The following TMEM132D variants were observed in gnomAD, a reference collection of about 807,000 sequenced individuals.
The protein encoded by TMEM132D is mature OL transmembrane protein.
In TMEM132D, 21 loss-of-function variants were observed where a neutral mutation model predicts 62.3. The ratio of observed to expected loss-of-function variants is 0.34; its 90% CI spans 0.24 to 0.49. The LOEUF is 0.49. TMEM132D is among the 20% of genes least tolerant of loss of function. The pLI, the probability that TMEM132D is intolerant of heterozygous loss-of-function variation, is 0.99. For missense variants in TMEM132D, 1,346 were observed against 1,402.8 expected (o/e 0.96, Z 0.65); for synonymous variants, 621 against 575.6 (o/e 1.08, Z -1.13).
intron 5 of TMEM132D, among the ~76,000 whole-genome samples, chr12:129,162,711 C>T (rs902932600): frequency 2.6e-5 from 4 of 152,130 alleles, no homozygotes; most frequent in African/African-American, 9.7e-5. Flanking sequence ...AAATGATGTG[C>T]CATCTCCCCC....
intron 1 of TMEM132D, among the ~76,000 whole-genome samples, chr12:129,851,183 G>C (rs1873529166): frequency 6.6e-6 from 1 of 152,168 alleles, no homozygotes; most frequent in Non-Finnish European, 1.5e-5. Flanking sequence ...CTGACTTCTA[G>C]AAAGTTCATC....
intron 3 of TMEM132D, among the ~76,000 whole-genome samples, chr12:129,445,853 G>C (rs1873080990): frequency 6.6e-6 from 1 of 152,172 alleles, no homozygotes; most frequent in Non-Finnish European, 1.5e-5. Flanking sequence ...AAGTTATTGG[G>C]ATAAACCTCT....
At chr12:129,675,689 AT>A (rs1880610954) in intron 2 of TMEM132D, among the ~76,000 whole-genome samples, 1 of 152,164 alleles carries the variant, frequency 6.6e-6, no homozygotes, top group Non-Finnish European at 1.5e-5. Context: ...GTCTGGAGAC[AT>A]TTTTGGTTGT....
intron 3 of TMEM132D, among the ~76,000 whole-genome samples, chr12:129,490,902 T>C (rs2137060145): frequency 6.6e-6 from 1 of 152,192 alleles, no homozygotes; most frequent in South Asian, 2.1e-4. Context: ...ATCCAGTTTC[T>C]TTAATCATTT....
At chr12:129,425,874 C>G (rs1374732676) in intron 3 of TMEM132D, among the ~76,000 whole-genome samples, 1 of 152,192 alleles carries the variant, frequency 6.6e-6, no homozygotes, top group Non-Finnish European at 1.5e-5. Context: ...CCCAACGCCA[C>G]ATAGGCAATG....
rs192222204 is a variant in TMEM132D at position 129,789,425 on chromosome 12, C to T, written c.80-88727G>A. On this transcript the variant is annotated intron_variant, in intron 1 of 8. Transcript: ENST00000422113. ...ATTATGTGAAAAAGATACTTACACA[C>T]GCACGTTTATAGCAGCACAATTTGC... 6.8e-4 allele frequency among the ~76,000 whole-genome samples: 103 copies of T among 152,298 alleles called. 3 individuals are homozygous for T. Among genetic ancestry groups the T allele is most frequent in the African/African-American group, 1.8e-3 (73 of 41,570 alleles).
chr12:129,359,782 T>G (rs1445630952), intron 3 of TMEM132D, among the ~76,000 whole-genome samples: 3 of 152,038 alleles, frequency 2.0e-5, no homozygotes, highest in Admixed American at 2.0e-4. Flanking sequence ...TAAGTTTAAT[T>G]TTAAGAGTTG....
At chr12:129,695,586 G>T (rs1197663977) in intron 2 of TMEM132D, among the ~76,000 whole-genome samples, 1 of 152,214 alleles carries the variant, frequency 6.6e-6, no homozygotes, top group African/African-American at 2.4e-5. Context: ...TGTTAACAGT[G>T]CCCCAGTCTT....
At chr12:129,828,471 A>G (rs946431827) in intron 1 of TMEM132D, among the ~76,000 whole-genome samples, 4 of 151,714 alleles carry the variant, frequency 2.6e-5, no homozygotes, top group Admixed American at 2.6e-4. Context: ...ATCTATTAGC[A>G]TTCACAGCAG....
At chr12:129,630,178 G>T (rs943994367) in intron 2 of TMEM132D, among the ~76,000 whole-genome samples, 1 of 152,226 alleles carries the variant, frequency 6.6e-6, no homozygotes, top group Non-Finnish European at 1.5e-5. Flanking sequence ...AAAAACAGGA[G>T]CTGTCCACTT....
intron 5 of TMEM132D, among the ~76,000 whole-genome samples, chr12:129,206,833 T>TCAGCA (rs1157625108): frequency 1.3e-5 from 2 of 151,276 alleles, no homozygotes; most frequent in Admixed American, 1.3e-4. Flanking sequence ...GCCATTATCC[T>TCAGCA]AACTAATACA....
intron 4 of TMEM132D, among the ~76,000 whole-genome samples, chr12:129,268,731 G>C (rs1052339912): frequency 5.9e-5 from 9 of 152,098 alleles, no homozygotes; most frequent in African/African-American, 2.2e-4. Flanking sequence ...ATGTTTATTG[G>C]GGCACTATTC....
intron 4 of TMEM132D, among the ~76,000 whole-genome samples, chr12:129,213,501 C>CAAACAAAACAAAACA (rs144820911): frequency 5.3e-5 from 8 of 150,452 alleles, no homozygotes; most frequent in African/African-American, 2.0e-4. Flanking sequence ...TCTCTCAAAA[C>CAAACAAAACAAAACA]AAACAAAACA....
At chr12:129,610,349 C>G (rs114604652) in intron 2 of TMEM132D, among the ~76,000 whole-genome samples, 2 of 151,742 alleles carry the variant, frequency 1.3e-5, no homozygotes, top group Non-Finnish European at 2.9e-5. Flanking sequence ...TGAATTGACA[C>G]GTGCATTATA....
intron 3 of TMEM132D, among the ~76,000 whole-genome samples, chr12:129,430,506 G>A (rs1872625514): frequency 6.6e-6 from 1 of 151,930 alleles, no homozygotes; most frequent in Non-Finnish European, 1.5e-5. Flanking sequence ...TTGTAGCGAT[G>A]GGGTCCCACT....
At chr12:129,724,029 G>A (rs1868937761) in intron 1 of TMEM132D, among the ~76,000 whole-genome samples, 1 of 152,120 alleles carries the variant, frequency 6.6e-6, no homozygotes, top group African/African-American at 2.4e-5. Context: ...TATCTGGGTG[G>A]GTCCAATAAC....
chr12:129,778,302 A>G (rs1449503950), intron 1 of TMEM132D, among the ~76,000 whole-genome samples: 11 of 152,056 alleles, frequency 7.2e-5, no homozygotes. Context: ...CCCGACTCTC[A>G]TACCTCACTG....
chr12:129,685,936 TG>T (rs773837409), intron 2 of TMEM132D, among the ~76,000 whole-genome samples: 4 of 152,206 alleles, frequency 2.6e-5, no homozygotes, highest in Non-Finnish European at 4.4e-5. Flanking sequence ...GTAGCTCCTT[TG>T]TTTTGACCAG....
At chr12:129,695,237 G>T (rs985602400) in intron 2 of TMEM132D, among the ~76,000 whole-genome samples, 29 of 152,130 alleles carry the variant, frequency 1.9e-4, no homozygotes, top group African/African-American at 6.0e-4. Flanking sequence ...ACAGCCAAGG[G>T]GGGCAGCAGA....
Sources: gnomAD v4.1 joint callset for allele counts (sites outside exome capture counted in the v4.1 genomes callset) on GRCh38, gnomAD v4.1.1 for gene constraint, MANE v1.5 for transcripts, NCBI Gene and HGNC (gene_info 2026-07-23, HGNC 2026-07-21) for gene names.